SLC22A24: variants seen among roughly 807,000 people sequenced by gnomAD.
SLC22A24 encodes steroid transmembrane transporter SLC22A24.
A neutral mutation model predicts 49.8 loss-of-function variants in SLC22A24; 53 were observed. The ratio of observed to expected loss-of-function variants is 1.06; its 90% confidence interval spans 0.85 to 1.34. The LOEUF (loss-of-function observed/expected upper bound fraction) is 1.34. SLC22A24 is among the 40% of genes most tolerant of loss of function. SLC22A24 has a pLI of 0.00. For missense variants in SLC22A24, 786 were observed against 675.9 expected (o/e 1.16, Z -1.81); for synonymous variants, 302 against 256.4 (o/e 1.18, Z -1.70).
At chr11:63,085,513 G>A (rs2086982185) in intron 6 of SLC22A24, among the ~76,000 whole-genome samples, 1 of 152,132 alleles carries the variant, frequency 6.6e-6, no homozygotes, top group Non-Finnish European at 1.5e-5. Flanking sequence ...AATTTGCTTT[G>A]ACAGCAGGTT....
intron 4 of SLC22A24, among the ~76,000 whole-genome samples, chr11:63,110,133 G>C (rs11501481): frequency 0.042 from 6,317 of 151,188 alleles, 456 homozygotes; most frequent in African/African-American, 0.15. Flanking sequence ...GTTTTTGTCA[G>C]GTTTGTCAAA....
At chr11:63,133,974 A>T (rs1205135050) in intron 2 of SLC22A24, among the ~76,000 whole-genome samples, 1 of 152,184 alleles carries the variant, frequency 6.6e-6, no homozygotes. Flanking sequence ...ATTTATATGA[A>T]TATACCACAA....
chr11:63,137,374 G>A (rs995218296), intron 1 of SLC22A24, among the ~76,000 whole-genome samples: 1 of 152,170 alleles, frequency 6.6e-6, no homozygotes, highest in South Asian at 2.1e-4. Context: ...GGGGTTGTTG[G>A]TGGAAGTCCA....
rs752610593 is a variant in SLC22A24, at chr11:63,081,570, G to A, written c.1382C>T (p.Pro461Leu). The A allele has an allele frequency of 4.0e-5, 62 of 1,550,200 alleles. No individual in the cohort carries two copies. The highest frequency in any genetic ancestry group is 5.1e-5 in the Non-Finnish European group (59 of 1,145,808). ...TTAGCTCTTGTACCTCAATATGGTG[G>A]GGACGAGCTCGTTGTGGTGGACAGA... is the stretch of plus-strand genomic sequence containing the variant. ...SASVHHNELVPTILRSTVAGI... is the reference protein window; with the variant it reads ...SASVHHNELVLTILRSTVAGI... Residue 461 changes from proline (P) to leucine (L), a missense_variant, in exon 8 of 10, where the codon CCC (proline) becomes CTC (leucine). By Grantham distance (98) the Pro-to-Leu change is moderately conservative. Transcript: ENST00000612278.
At chr11:63,124,530 C>G (rs2087274666) in intron 2 of SLC22A24, among the ~76,000 whole-genome samples, 1 of 152,164 alleles carries the variant, frequency 6.6e-6, no homozygotes, top group Non-Finnish European at 1.5e-5. Flanking sequence ...TTGATAACTT[C>G]TAGAGTTCCT....
intron 4 of SLC22A24, among the ~76,000 whole-genome samples, chr11:63,114,938 C>G (rs753364225): frequency 2.0e-5 from 3 of 152,176 alleles, no homozygotes; most frequent in Admixed American, 1.3e-4. Context: ...CTGGAAGCTT[C>G]GTCTCAGAAG....
chr11:63,090,754 A>G (rs2087015713), intron 6 of SLC22A24, among the ~76,000 whole-genome samples: 1 of 151,988 alleles, frequency 6.6e-6, no homozygotes, highest in South Asian at 2.1e-4. Context: ...CCCAAGTACC[A>G]GAATCTCTGG....
At chr11:63,126,774 ATTC>A (rs1483849414) in intron 2 of SLC22A24, among the ~76,000 whole-genome samples, 1 of 152,084 alleles carries the variant, frequency 6.6e-6, no homozygotes, top group African/African-American at 2.4e-5. Context: ...CACAGTATTG[ATTC>A]TTTTTATCCA....
intron 4 of SLC22A24, among the ~76,000 whole-genome samples, chr11:63,114,398 A>AG (rs2134662682): frequency 6.6e-6 from 1 of 152,226 alleles, no homozygotes; most frequent in South Asian, 2.1e-4. Context: ...ATCTCATGCC[A>AG]TGGTTTTCAG....
chr11:63,096,046 A>T lies in SLC22A24; in HGVS notation c.1015T>A (p.Ser339Thr), dbSNP rs7113279. ...CGCAATTTGGGTGCACGGAACAGGG[A>T]AAAAATGGATGTTTTAATTCGGACT... is the stretch of plus-strand genomic sequence containing the variant. ...DAVRIKTSIF[S>T]LFRAPKLRMR... Residue 339 changes from serine (S) to threonine (T), a missense_variant, in exon 6 of 10, where the codon TCC (serine) becomes ACC (threonine). Transcript: ENST00000612278. 4 of 1,550,548 alleles carry T rather than the reference A, an allele frequency of 2.6e-6. No individual in the cohort carries two copies. Among genetic ancestry groups the T allele is most frequent in the Admixed American group, 2.0e-5 (1 of 50,900 alleles).
rs376936925 is a variant in SLC22A24 at position 63,087,024 on chromosome 11, G to GCGCGCACACACACACACACA, written c.1071-3568_1071-3567insTGTGTGTGTGTGTGTGCGCG. On this transcript the variant is annotated intron_variant, in intron 6 of 9. Coordinates refer to ENST00000612278, the MANE Select transcript of SLC22A24 (RefSeq NM_001136506.2). ...AATTAAGCTTTTCTGCCTGGAGGGC[G>GCGCGCACACACACACACACA]CACACACACACACACACACACACAC... 1.2e-4 allele frequency among the ~76,000 whole-genome samples: 16 copies of GCGCGCACACACACACACACA among 132,628 alleles called. No homozygotes were observed. In the East Asian group the frequency reaches 1.8e-3, roughly 15 times the overall value. 87.0% of individuals were successfully genotyped at this position (132,628 alleles called of 152,430 possible).
At chr11:63,105,093 C>T (rs547678940) in intron 4 of SLC22A24, among the ~76,000 whole-genome samples, 23 of 152,360 alleles carry the variant, frequency 1.5e-4, no homozygotes, top group Admixed American at 1.4e-3. Context: ...AAATGATGTT[C>T]CTTGATTCCA....
chr11:63,141,835 G>A (rs2134688024), intron 1 of SLC22A24, among the ~76,000 whole-genome samples: 1 of 152,308 alleles, frequency 6.6e-6, no homozygotes, highest in South Asian at 2.1e-4. Context: ...ACTAAAGTTT[G>A]TTTTGTAAAC....
At chr11:63,092,152 A>C (rs1446275658) in intron 6 of SLC22A24, among the ~76,000 whole-genome samples, 2 of 152,086 alleles carry the variant, frequency 1.3e-5, no homozygotes, top group African/African-American at 2.4e-5. Flanking sequence ...CCCATTCACA[A>C]TTGCTACAAA....
At chr11:63,121,844 G>A (rs551642330) in intron 2 of SLC22A24, among the ~76,000 whole-genome samples, 2 of 152,164 alleles carry the variant, frequency 1.3e-5, no homozygotes, top group East Asian at 3.9e-4. Flanking sequence ...CTGTGTCCAT[G>A]TGTTCTCATT....
intron 5 of SLC22A24, among the ~76,000 whole-genome samples, chr11:63,102,324 T>C (rs929524020): frequency 6.6e-6 from 1 of 151,990 alleles, no homozygotes; most frequent in Non-Finnish European, 1.5e-5. Flanking sequence ...CCCAGAAAGA[T>C]AAAAGAGTCA....
At chr11:63,111,280 T>C (rs1236545438) in intron 4 of SLC22A24, among the ~76,000 whole-genome samples, 2 of 152,076 alleles carry the variant, frequency 1.3e-5, no homozygotes, top group African/African-American at 2.4e-5. Context: ...TTTGCATCAA[T>C]GTTCATCAAG....
intron 1 of SLC22A24, among the ~76,000 whole-genome samples, chr11:63,140,047 G>A (rs905394297): frequency 1.3e-5 from 2 of 150,140 alleles, no homozygotes; most frequent in African/African-American, 4.9e-5. Context: ...TAATCTTTTG[G>A]AAATAGAGAC....
intron 2 of SLC22A24, among the ~76,000 whole-genome samples, chr11:63,123,978 G>C (rs910237189): frequency 6.6e-6 from 1 of 152,128 alleles, no homozygotes; most frequent in Non-Finnish European, 1.5e-5. Context: ...TTTACTGAGA[G>C]TAACTTGGGT....
Sources: allele counts gnomAD v4.1 joint callset (sites outside exome capture counted in the v4.1 genomes callset), GRCh38; gene constraint gnomAD v4.1.1; transcripts MANE v1.5; gene names NCBI Gene and HGNC (gene_info 2026-07-23, HGNC 2026-07-21).